The following FKBP5 variants were observed in gnomAD, a reference collection of about 807,000 sequenced individuals.
The protein encoded by FKBP5 is peptidyl-prolyl cis-trans isomerase FKBP5.
A neutral mutation model predicts 50.5 loss-of-function variants in FKBP5; 23 were observed. That is an observed-to-expected ratio of 0.46 (90% CI 0.33 to 0.65). The LOEUF (loss-of-function observed/expected upper bound fraction) is 0.65, where lower values mean the gene tolerates loss of function less well. Among genes scored for constraint, FKBP5 ranks in the 30% least tolerant of loss-of-function variants. The pLI is 0.02. For missense variants in FKBP5, 411 were observed against 553.1 expected (o/e 0.74, Z 2.58); for synonymous variants, 176 against 190.6 (o/e 0.92, Z 0.63).
chr6:35,704,400 G>A (rs1303200641), intron 2 of FKBP5, among the ~76,000 whole-genome samples: 3 of 152,092 alleles, frequency 2.0e-5, no homozygotes, highest in Admixed American at 2.0e-4. Context: ...CCTTCATTTG[G>A]TTGTACCATT....
chr6:35,673,590 C>A (rs920346961), intron 1 of FKBP5, among the ~76,000 whole-genome samples: 1 of 152,036 alleles, frequency 6.6e-6, no homozygotes, highest in African/African-American at 2.4e-5. Flanking sequence ...TTTGAGAATA[C>A]TATTTATGTT....
intron 3 of FKBP5, among the ~76,000 whole-genome samples, chr6:35,627,855 G>A (rs1277504089): frequency 2.6e-5 from 4 of 151,584 alleles, no homozygotes; most frequent in South Asian, 2.1e-4. Flanking sequence ...TCTGCCTCCC[G>A]GGTTCAAGCG....
intron 1 of FKBP5, among the ~76,000 whole-genome samples, chr6:35,662,449 ATTTTTTTT>A (rs11333201): frequency 1.5e-5 from 2 of 135,984 alleles, no homozygotes; most frequent in Non-Finnish European, 3.2e-5. Context: ...TAATTTTTTA[ATTTTTTTT>A]TTTTTTTGTA....
At chr6:35,588,729 T>C (rs1486370664) in intron 7 of FKBP5, among the ~76,000 whole-genome samples, 1 of 151,360 alleles carries the variant, frequency 6.6e-6, no homozygotes, top group Non-Finnish European at 1.5e-5. Context: ...GCCTCCCGAG[T>C]AGTTGGGACC....
chr6:35,691,766 GC>G (rs1765992264), upstream of FKBP5, among the ~76,000 whole-genome samples: 1 of 152,082 alleles, frequency 6.6e-6, no homozygotes, highest in Non-Finnish European at 1.5e-5. Context: ...AAGATGACAT[GC>G]GCTATGGCTG....
chr6:35,725,852 G>C (rs1373216660), intron 1 of FKBP5, among the ~76,000 whole-genome samples: 1 of 152,184 alleles, frequency 6.6e-6, no homozygotes, highest in Non-Finnish European at 1.5e-5. Context: ...GGGGAGGGAA[G>C]AGAGCAGAGG....
At chr6:35,676,881 G>A (rs577392655) in intron 1 of FKBP5, among the ~76,000 whole-genome samples, 78 of 152,228 alleles carry the variant, frequency 5.1e-4, no homozygotes, top group African/African-American at 1.8e-3. Flanking sequence ...CAAGACCCCT[G>A]GAAGCTAGAC....
chr6:35,618,179 G>A (rs957024036), intron 5 of FKBP5, among the ~76,000 whole-genome samples: 4 of 152,104 alleles, frequency 2.6e-5, no homozygotes, highest in Admixed American at 2.0e-4. Flanking sequence ...TTAAGGTTGT[G>A]AGAAATAAAT....
At chr6:35,625,481 A>C (rs1561864054) in intron 3 of FKBP5, among the ~76,000 whole-genome samples, 1 of 151,652 alleles carries the variant, frequency 6.6e-6, no homozygotes. Context: ...TCACGCCTGT[A>C]ATCTCAGCAC....
chr6:35,587,938 T>TAAC (rs543419574), intron 7 of FKBP5, among the ~76,000 whole-genome samples: 92 of 152,270 alleles, frequency 6.0e-4, no homozygotes, highest in African/African-American at 2.1e-3. Flanking sequence ...TTTAAATGGG[T>TAAC]AACTAAAATT....
intron 3 of FKBP5, among the ~76,000 whole-genome samples, chr6:35,626,429 G>T (rs2150981645): frequency 6.6e-6 from 1 of 152,078 alleles, no homozygotes; most frequent in Non-Finnish European, 1.5e-5. Context: ...AGACTATAGT[G>T]ACCACTTCAG....
At chr6:35,589,128 ATTTT>A (rs58812576) in intron 7 of FKBP5, among the ~76,000 whole-genome samples, 1 of 121,562 alleles carries the variant, frequency 8.2e-6, no homozygotes, top group Non-Finnish European at 1.7e-5. Context: ...ATATATATAT[ATTTT>A]TTTTTTTTTC....
chr6:35,651,897 C>T, intron 1 of FKBP5: 1 of 1,160,378 alleles, frequency 8.6e-7, no homozygotes. Context: ...TTTTGCAACC[C>T]AGAACTCATT....
intron 1 of FKBP5, among the ~76,000 whole-genome samples, chr6:35,649,646 T>C (rs1764733739): frequency 6.6e-6 from 1 of 152,200 alleles, no homozygotes; most frequent in African/African-American, 2.4e-5. Flanking sequence ...GGTGAGAAGT[T>C]TGATACTTAT....
chr6:35,705,549 G>C (rs925543443), intron 2 of FKBP5, among the ~76,000 whole-genome samples: 1 of 151,738 alleles, frequency 6.6e-6, no homozygotes, highest in Non-Finnish European at 1.5e-5. Flanking sequence ...ACAGGCATGA[G>C]CCACTGTGCC....
At chr6:35,632,762 G>A (rs1764198247) in intron 3 of FKBP5, among the ~76,000 whole-genome samples, 1 of 151,952 alleles carries the variant, frequency 6.6e-6, no homozygotes, top group South Asian at 2.1e-4. Context: ...GGTGGCGCAT[G>A]CCTGTAATCC....
At chr6:35,726,055 G>A (rs544801773) in intron 1 of FKBP5, among the ~76,000 whole-genome samples, 15 of 152,332 alleles carry the variant, frequency 9.8e-5, no homozygotes, top group South Asian at 2.1e-4. Context: ...GTGTTTGGGG[G>A]AATGTAGGGT....
intron 1 of FKBP5, among the ~76,000 whole-genome samples, chr6:35,664,311 T>C (rs918455327): frequency 1.3e-5 from 2 of 152,136 alleles, no homozygotes; most frequent in Non-Finnish European, 2.9e-5. Context: ...GACCCACAGA[T>C]ATTCAAACAA....
At chr6:35,718,674 C>T (rs1164440940) in intron 2 of FKBP5, among the ~76,000 whole-genome samples, 1 of 152,156 alleles carries the variant, frequency 6.6e-6, no homozygotes, top group African/African-American at 2.4e-5. Flanking sequence ...ATCCTCAGCA[C>T]CTAGCAGAAT....
Sources: gnomAD v4.1 joint callset for allele counts (sites outside exome capture counted in the v4.1 genomes callset) on GRCh38, gnomAD v4.1.1 for gene constraint, MANE v1.5 for transcripts, NCBI Gene and HGNC (gene_info 2026-07-23, HGNC 2026-07-21) for gene names.